Variants in MAD1L1 observed in about 807,000 individuals in gnomAD.
MAD1L1 encodes mitotic arrest deficient 1 like 1.
MAD1L1 carries 95 observed loss-of-function variants against 96.9 expected under a neutral mutation model. The ratio of observed to expected loss-of-function variants is 0.98; its 90% confidence interval spans 0.83 to 1.16. The LOEUF is 1.16. MAD1L1 is among the 50% of genes most tolerant of loss of function. The probability of loss-of-function intolerance (pLI) is 0.00; values close to 1 mark genes in which losing one functional copy is unlikely to be tolerated. For synonymous variants in MAD1L1, 473 were observed against 396.6 expected, an observed-to-expected ratio of 1.19 and a Z score of -2.29; for missense variants, 1,007 against 954.4, an observed-to-expected ratio of 1.06 and a Z score of -0.73.
In MAD1L1 at chr7:2,007,648, C is replaced by T. The variant is rs892955725; in HGVS notation, c.1360-5527G>A. On this transcript the variant is annotated intron_variant, in intron 13 of 18. Transcript: ENST00000265854. Reference sequence around the variant, plus strand: ...AAGATCACGCCACTACATTCCAGCCCGGGCGACTGAGCGAGACTCTGTCCC... The same window carrying T: ...AAGATCACGCCACTACATTCCAGCCTGGGCGACTGAGCGAGACTCTGTCCC... Among the ~76,000 whole-genome samples the T allele has an allele frequency of 3.3e-5, 5 of 152,154 alleles. No homozygotes were observed. The East Asian group carries it at 7.7e-4, about 23-fold the overall frequency.
intron 6 of MAD1L1, among the ~76,000 whole-genome samples, chr7:2,218,800 C>T (rs6957871): frequency 0.96 from 145,381 of 152,164 alleles, 69,484 homozygotes; most frequent in African/African-American, 0.99. Flanking sequence ...CTCAGGAGGC[C>T]GAGGCAGGAG....
In MAD1L1 at chr7:2,119,185, C is replaced by T. The variant is rs1787859614; in HGVS notation, c.1073+29967G>A. Among the ~76,000 whole-genome samples, 1 of 152,148 alleles carries T rather than the reference C, an allele frequency of 6.6e-6. No homozygotes were observed. The highest frequency in any genetic ancestry group is 1.5e-5 in the Non-Finnish European group (1 of 68,012). On this transcript the variant is annotated intron_variant, in intron 11 of 18. Transcript: ENST00000265854. The surrounding 1 kb of genome is among the most constrained non-coding windows in gnomAD (Gnocchi z 4.6). ...GGCAGCCTGGACTCCTGCTGTGTTT[C>T]ATCTACTGTGACATTTCTCCTGTCC...
chr7:1,841,974 G>A (rs1412121399), intron 18 of MAD1L1, among the ~76,000 whole-genome samples: 1 of 152,180 alleles, frequency 6.6e-6, no homozygotes, highest in Non-Finnish European at 1.5e-5. Flanking sequence ...CTGCCTGCTC[G>A]CCGCGCTCGG....
chr7:2,019,712 G>A (rs1335113904), intron 12 of MAD1L1, among the ~76,000 whole-genome samples: 4 of 138,634 alleles, frequency 2.9e-5, no homozygotes, highest in Non-Finnish European at 4.6e-5. Context: ...GCAAGGCCAC[G>A]CCTCACCACC....
chr7:2,132,397 G>C, intron 11 of MAD1L1, among the ~76,000 whole-genome samples: 1 of 107,132 alleles, frequency 9.3e-6, no homozygotes, highest in African/African-American at 3.0e-5. Context: ...CCACCATCAC[G>C]GCCGCGTGCA....
chr7:1,831,550 A>T (rs978101541), intron 18 of MAD1L1, among the ~76,000 whole-genome samples: 1 of 152,244 alleles, frequency 6.6e-6, no homozygotes, highest in Non-Finnish European at 1.5e-5. Context: ...GCTAGAGATA[A>T]TTAGGTTTAG....
chr7:1,939,314 TACACACACACATAC>T (rs1450418841), intron 16 of MAD1L1, among the ~76,000 whole-genome samples: 2 of 114,278 alleles, frequency 1.8e-5, no homozygotes, highest in African/African-American at 3.4e-5. Context: ...CGCACACACA[TACACACACACATAC>T]ACACACACAC....
intron 17 of MAD1L1, among the ~76,000 whole-genome samples, chr7:1,928,634 TGGAGCCCCTGCACC>T (rs1789240504): frequency 6.6e-6 from 1 of 152,224 alleles, no homozygotes; most frequent in African/African-American, 2.4e-5. Context: ...CGAACAGGGC[TGGAGCCCCTGCACC>T]CCCATCCCAT....
At chr7:2,132,667 T>C (rs951577115) in intron 11 of MAD1L1, among the ~76,000 whole-genome samples, 73 of 152,256 alleles carry the variant, frequency 4.8e-4, no homozygotes, top group African/African-American at 1.7e-3. Context: ...CAGACTGTCC[T>C]CTTTCACTGT....
intron 15 of MAD1L1, among the ~76,000 whole-genome samples, chr7:1,959,754 G>C (rs916848501): frequency 6.6e-6 from 1 of 152,182 alleles, no homozygotes; most frequent in Admixed American, 6.5e-5. Context: ...AAAGCTTAAA[G>C]AATTCATCAT....
At chr7:1,918,403 C>T (rs1162610955) in intron 17 of MAD1L1, among the ~76,000 whole-genome samples, 1 of 152,174 alleles carries the variant, frequency 6.6e-6, no homozygotes, top group Non-Finnish European at 1.5e-5. Context: ...TTGGGGCCCC[C>T]GAGCATGTTC....
intron 11 of MAD1L1, among the ~76,000 whole-genome samples, chr7:2,092,737 T>C (rs928295417): frequency 1.3e-5 from 2 of 152,218 alleles, no homozygotes; most frequent in Non-Finnish European, 2.9e-5. Context: ...TCCCATTCTG[T>C]GGTTTGTCTT....
chr7:2,021,081 G>A (rs545366070), intron 12 of MAD1L1, among the ~76,000 whole-genome samples: 99 of 152,344 alleles, frequency 6.5e-4, no homozygotes, highest in African/African-American at 2.2e-3. Context: ...CCTAAGAACA[G>A]TGGGATGACC....
intron 10 of MAD1L1, among the ~76,000 whole-genome samples, chr7:2,189,776 C>T: frequency 6.6e-6 from 1 of 152,204 alleles, no homozygotes; most frequent in Non-Finnish European, 1.5e-5. Flanking sequence ...CACTTAAAAA[C>T]AGTTAACAGT....
intron 18 of MAD1L1, among the ~76,000 whole-genome samples, chr7:1,821,357 A>G (rs973929044): frequency 1.3e-5 from 2 of 152,158 alleles, no homozygotes; most frequent in African/African-American, 2.4e-5. Flanking sequence ...TTCACTAGAA[A>G]GTTTTACCGA....
At chr7:2,175,794 C>T (rs1584485898) in intron 10 of MAD1L1, among the ~76,000 whole-genome samples, 1 of 152,306 alleles carries the variant, frequency 6.6e-6, no homozygotes, top group Admixed American at 6.5e-5. Context: ...GGCCATCCCA[C>T]ACAATCACCC....
intron 12 of MAD1L1, among the ~76,000 whole-genome samples, chr7:2,055,467 C>T (rs1382962728): frequency 6.6e-6 from 1 of 152,082 alleles, no homozygotes; most frequent in Non-Finnish European, 1.5e-5. Flanking sequence ...GGCTGCACCC[C>T]AGAGCTACCA....
intron 12 of MAD1L1, among the ~76,000 whole-genome samples, chr7:2,034,052 C>T (rs1584140205): frequency 6.6e-6 from 1 of 152,054 alleles, no homozygotes; most frequent in Admixed American, 6.6e-5. Flanking sequence ...GCCAAGATGG[C>T]GCCACCACAT....
At chr7:1,916,128 G>A (rs927230054) in intron 17 of MAD1L1, among the ~76,000 whole-genome samples, 2 of 152,214 alleles carry the variant, frequency 1.3e-5, no homozygotes, top group African/African-American at 2.4e-5. Flanking sequence ...GCTGTGGTCA[G>A]AAAGAGAGAT....
Sources: allele counts gnomAD v4.1 joint callset (sites outside exome capture counted in the v4.1 genomes callset), GRCh38; gene constraint gnomAD v4.1.1; non-coding constraint Gnocchi (gnomAD v3.1); transcripts MANE v1.5; gene names NCBI Gene and HGNC (gene_info 2026-07-23, HGNC 2026-07-21).